RP1: variants seen among roughly 807,000 people sequenced by gnomAD.
RP1 encodes oxygen-regulated protein 1.
A neutral mutation model predicts 14.8 loss-of-function variants in RP1; 16 were observed. That is an observed-to-expected ratio of 1.08 (90% confidence interval 0.73 to 1.65). The LOEUF (loss-of-function observed/expected upper bound fraction) is 1.65. Among genes scored for constraint, RP1 ranks in the 40% most tolerant of loss-of-function variants. The pLI is 0.00. For synonymous variants in RP1, 876 were observed against 883.6 expected (o/e 0.99, Z 0.15); for missense variants, 2,631 against 2,535.0 (o/e 1.04, Z -0.81).
At chr8:54,766,782 G>T (rs777989077) in intron 22 of RP1, among the ~76,000 whole-genome samples, 1 of 152,150 alleles carries the variant, frequency 6.6e-6, no homozygotes, top group African/African-American at 2.4e-5. Flanking sequence ...CCCTGTCTTT[G>T]TGTTTCCTAG....
At chr8:54,695,120 T>A (rs1807826837) in intron 12 of RP1, among the ~76,000 whole-genome samples, 1 of 152,172 alleles carries the variant, frequency 6.6e-6, no homozygotes, top group Admixed American at 6.6e-5. Context: ...TTCCATGTAG[T>A]TGAGCGGTTT....
At position 54,627,324 on chromosome 8, in the gene RP1, G is replaced by A; in HGVS notation, c.3442G>A (p.Val1148Ile). The change falls in exon 4 of 4, where the codon GTT becomes ATT. Residue 1148 changes from valine to isoleucine, a missense_variant. Val to Ile is a conservative substitution (Grantham distance 29). Transcript: ENST00000220676. ...LKGSMNSFCQ[V>I]DAHKATNKSS... ...GGGAAGTATGAATAGCTTCTGTCAA[G>A]TTGATGCTCACAAGGCTACCAACAA... 1 of 1,614,144 alleles carries A rather than the reference G, an allele frequency of 6.2e-7. No homozygotes were observed. The highest frequency in any genetic ancestry group is 2.2e-5 in the East Asian group (1 of 44,882).
intron 12 of RP1, among the ~76,000 whole-genome samples, chr8:54,691,664 C>T (rs1807712638): frequency 6.6e-6 from 1 of 151,886 alleles, no homozygotes; most frequent in African/African-American, 2.4e-5. Context: ...CTAGGAACAC[C>T]TTTGAGTGAA....
At chr8:54,667,204 T>C (rs914797323) in intron 7 of RP1, among the ~76,000 whole-genome samples, 25 of 152,138 alleles carry the variant, frequency 1.6e-4, no homozygotes, top group African/African-American at 6.0e-4. Flanking sequence ...GAACTTGTGC[T>C]TTTGTTTGGT....
At chr8:54,774,388 G>T (rs1809984988), downstream of RP1, among the ~76,000 whole-genome samples, 1 of 152,188 alleles carries the variant, frequency 6.6e-6, no homozygotes, top group African/African-American at 2.4e-5. Context: ...CTGAAACTAG[G>T]TTAATGAATT....
At chr8:54,754,689 A>G (rs1331838397) in intron 19 of RP1, 32 of 1,061,034 alleles carry the variant, frequency 3.0e-5, no homozygotes, top group Non-Finnish European at 2.8e-5. Context: ...CACCGCTATC[A>G]CCATCATCAG....
chr8:54,692,864 T>C (rs1807749231), intron 12 of RP1, among the ~76,000 whole-genome samples: 1 of 152,106 alleles, frequency 6.6e-6, no homozygotes, highest in Non-Finnish European at 1.5e-5. Context: ...GCCATTGCTT[T>C]TGGTGTTTTA....
chr8:54,656,037 A>T (rs1188450101), intron 5 of RP1: 1 of 1,385,410 alleles, frequency 7.2e-7, no homozygotes, highest in Non-Finnish European at 9.6e-7. Flanking sequence ...TGACACTTTG[A>T]TAAAGCATTC....
chr8:54,790,010 G>A (rs1810422309), intron 24 of RP1, among the ~76,000 whole-genome samples: 1 of 152,174 alleles, frequency 6.6e-6, no homozygotes, highest in Non-Finnish European at 1.5e-5. Context: ...AGGAGTGATT[G>A]TGGAACTCAG....
At chr8:54,719,185 C>T (rs1424596718) in intron 15 of RP1, among the ~76,000 whole-genome samples, 1 of 152,052 alleles carries the variant, frequency 6.6e-6, no homozygotes, top group Non-Finnish European at 1.5e-5. Context: ...TGGTGCCCCT[C>T]CACCTGAAAT....
intron 24 of RP1, among the ~76,000 whole-genome samples, chr8:54,829,229 A>G (rs1169149164): frequency 6.6e-6 from 1 of 152,120 alleles, no homozygotes; most frequent in Non-Finnish European, 1.5e-5. Context: ...TAGGAAGTGG[A>G]TTTGGTTTTG....
chr8:54,848,941 G>A (rs1309809730), intron 25 of RP1, among the ~76,000 whole-genome samples: 1 of 152,082 alleles, frequency 6.6e-6, no homozygotes, highest in East Asian at 1.9e-4. Flanking sequence ...TAGAGATGGG[G>A]TTTCTCCACA....
chr8:54,867,000 A>G (rs1179544127), intron 28 of RP1, among the ~76,000 whole-genome samples: 2 of 152,222 alleles, frequency 1.3e-5, no homozygotes, highest in African/African-American at 4.8e-5. Flanking sequence ...CTAGAGATTT[A>G]GAGATAAAAA....
rs769754864 is a variant in RP1 at position 54,621,263 on chromosome 8, G to A, written c.297G>A (p.Glu99=). Residue 99 remains glutamate (E), a synonymous_variant, in exon 2 of 4, where the codon GAG becomes GAA. Transcript: ENST00000220676. ...RHSITRLEEL[E]DGESYLCSHG... ...GCATCACGCGCCTGGAGGAGCTGGA[G>A]GACGGCGAGTCCTACCTATGTTCCC... 1.9e-6 allele frequency: 3 copies of A among 1,614,120 alleles called. No homozygotes were observed. Among genetic ancestry groups the A allele is most frequent in the Non-Finnish European group, 2.5e-6 (3 of 1,180,030 alleles).
chr8:54,824,861 C>T (rs79647761), intron 24 of RP1, among the ~76,000 whole-genome samples: 44,139 of 151,924 alleles, frequency 0.29, 6,736 homozygotes, highest in South Asian at 0.37. Flanking sequence ...CAAAATTCAA[C>T]ACCCATTCAT....
chr8:54,746,788 T>C (rs1275539433), intron 19 of RP1, among the ~76,000 whole-genome samples: 2 of 152,180 alleles, frequency 1.3e-5, no homozygotes, highest in South Asian at 2.1e-4. Flanking sequence ...TTTCTCTAGG[T>C]TTTTCTTACT....
At chr8:54,659,273 G>T (rs910894189) in intron 6 of RP1, among the ~76,000 whole-genome samples, 5 of 152,068 alleles carry the variant, frequency 3.3e-5, no homozygotes. Context: ...TGTGATTTTG[G>T]TGTCATATTC....
rs546602088 is a variant in RP1 at position 54,692,079 on chromosome 8, T to C, written c.1718-7388T>C. ...AGAACATGTGGTGTTTGGTTTTTTG[T>C]CCTTGTGATAATTTGCTGAGAATGA... On this transcript the variant is annotated intron_variant, in intron 12 of 22. Transcript: ENST00000636932. 2.9e-3 allele frequency among the ~76,000 whole-genome samples: 442 copies of C among 152,072 alleles called. 3 individuals are homozygous for C. The highest frequency in any genetic ancestry group is 4.5e-3 in the Admixed American group (68 of 15,256).
intron 12 of RP1, among the ~76,000 whole-genome samples, chr8:54,684,978 C>A (rs576707824): frequency 6.6e-6 from 1 of 151,980 alleles, no homozygotes; most frequent in Non-Finnish European, 1.5e-5. Flanking sequence ...ACACTTACTG[C>A]GGCTTGTTGT....
Sources: gnomAD v4.1 joint callset for allele counts (sites outside exome capture counted in the v4.1 genomes callset) on GRCh38, gnomAD v4.1.1 for gene constraint, MANE v1.5 for transcripts, NCBI Gene and HGNC (gene_info 2026-07-23, HGNC 2026-07-21) for gene names.